TBC1D22A: variants seen among roughly 807,000 people sequenced by gnomAD.
TBC1D22A encodes TBC1 domain family member 22A, also known as putative GTPase activator.
TBC1D22A carries 38 observed loss-of-function variants against 60.2 expected under a neutral mutation model. The ratio of observed to expected loss-of-function variants is 0.63; its 90% CI spans 0.49 to 0.83. The LOEUF (loss-of-function observed/expected upper bound fraction) is 0.83. Ranked by LOEUF, TBC1D22A falls within the 40% of genes least tolerant of loss-of-function variation. TBC1D22A has a pLI of 0.00. For synonymous variants in TBC1D22A, 302 were observed against 281.7 expected (o/e 1.07, Z -0.72); for missense variants, 628 against 701.0 (o/e 0.90, Z 1.18).
At chr22:47,074,820 G>A (rs1010789068) in intron 11 of TBC1D22A, among the ~76,000 whole-genome samples, 2 of 152,202 alleles carry the variant, frequency 1.3e-5, no homozygotes, top group Admixed American at 6.5e-5. Flanking sequence ...CCGCAGCCTG[G>A]CTGCGAGGGT....
chr22:47,137,822 G>A (rs1424046061), intron 12 of TBC1D22A, among the ~76,000 whole-genome samples: 1 of 152,120 alleles, frequency 6.6e-6, no homozygotes, highest in Non-Finnish European at 1.5e-5. Flanking sequence ...AGTCGGGAGT[G>A]GAGAGTAGGG....
chr22:47,076,227 CAG>C (rs756705893), intron 11 of TBC1D22A, among the ~76,000 whole-genome samples: 2 of 151,758 alleles, frequency 1.3e-5, no homozygotes, highest in Admixed American at 6.6e-5. Context: ...CACCGGAAAA[CAG>C]AGAATAACGT....
chr22:46,771,847 G>A (rs563013413), intron 1 of TBC1D22A, among the ~76,000 whole-genome samples: 3 of 152,000 alleles, frequency 2.0e-5, no homozygotes, highest in South Asian at 2.1e-4. Flanking sequence ...CACCCGCCTC[G>A]GCCTCCCAGA....
intron 4 of TBC1D22A, among the ~76,000 whole-genome samples, chr22:46,804,201 C>T (rs2085030385): frequency 6.6e-6 from 1 of 152,216 alleles, no homozygotes; most frequent in Non-Finnish European, 1.5e-5. Flanking sequence ...CAAAGCTTGC[C>T]CCCGGCCTTG....
chr22:46,856,288 A>G (rs1267877098), intron 4 of TBC1D22A, among the ~76,000 whole-genome samples: 3 of 152,186 alleles, frequency 2.0e-5, no homozygotes, highest in Non-Finnish European at 2.9e-5. Context: ...GCTGAAGCCA[A>G]TCTTGTTATT....
chr22:47,161,239 T>A (rs1259979615), intron 12 of TBC1D22A, among the ~76,000 whole-genome samples: 1 of 152,080 alleles, frequency 6.6e-6, no homozygotes, highest in Non-Finnish European at 1.5e-5. Context: ...AAAACAGAAA[T>A]TGAAAGACGA....
At chr22:47,147,992 C>G (rs1396537734) in intron 12 of TBC1D22A, among the ~76,000 whole-genome samples, 1 of 152,182 alleles carries the variant, frequency 6.6e-6, no homozygotes, top group East Asian at 1.9e-4. Context: ...CCAGGCTCCT[C>G]CTTCCTCCTA....
At chr22:46,898,154 A>T (rs1223688772) in intron 7 of TBC1D22A, among the ~76,000 whole-genome samples, 1 of 152,112 alleles carries the variant, frequency 6.6e-6, no homozygotes, top group African/African-American at 2.4e-5. Flanking sequence ...ATTTTTTCCT[A>T]CCACTTGCTG....
intron 9 of TBC1D22A, among the ~76,000 whole-genome samples, chr22:46,987,437 C>T (rs2074769773): frequency 6.6e-6 from 1 of 152,142 alleles, no homozygotes; most frequent in African/African-American, 2.4e-5. Context: ...AGAGACTCTT[C>T]TTTCTTTGCA....
chr22:46,794,186 C>T (rs577698291), intron 3 of TBC1D22A, among the ~76,000 whole-genome samples: 76 of 152,304 alleles, frequency 5.0e-4, no homozygotes, highest in African/African-American at 1.7e-3. Context: ...CGCCTGGGGA[C>T]ACTGTCTCCC....
chr22:47,167,123 G>A (rs145321630), intron 12 of TBC1D22A, among the ~76,000 whole-genome samples: 180 of 152,278 alleles, frequency 1.2e-3, no homozygotes, highest in African/African-American at 4.2e-3. Context: ...TTCTCCCAAC[G>A]ATGACCACGT....
intron 9 of TBC1D22A, among the ~76,000 whole-genome samples, chr22:46,992,611 C>T (rs1158171415): frequency 3.3e-5 from 5 of 152,358 alleles, no homozygotes; most frequent in East Asian, 3.9e-4. Flanking sequence ...TCGCACACAT[C>T]GATACTCAGG....
At chr22:46,999,508 A>C (rs566424213) in intron 10 of TBC1D22A, among the ~76,000 whole-genome samples, 1 of 152,202 alleles carries the variant, frequency 6.6e-6, no homozygotes, top group Admixed American at 6.5e-5. Context: ...CAGTAAATAG[A>C]CAGAATTTCT....
chr22:46,884,864 G>A (rs573588464), intron 5 of TBC1D22A, among the ~76,000 whole-genome samples: 1 of 152,264 alleles, frequency 6.6e-6, no homozygotes, highest in Admixed American at 6.5e-5. Context: ...AAGCAGCGAA[G>A]TAAAAGTGGG....
chr22:47,152,980 G>T (rs954767338), intron 12 of TBC1D22A, among the ~76,000 whole-genome samples: 2 of 152,178 alleles, frequency 1.3e-5, no homozygotes, highest in East Asian at 3.9e-4. Flanking sequence ...AATCACAGCC[G>T]ATTTCATTCT....
chr22:47,094,658 G>C (rs1005262926), intron 11 of TBC1D22A, among the ~76,000 whole-genome samples: 1 of 152,124 alleles, frequency 6.6e-6, no homozygotes, highest in East Asian at 1.9e-4. Flanking sequence ...ATCAACCAAA[G>C]AATAAATATC....
At chr22:47,137,836 G>GGGGAGTGGGGAGCGGGGAGCC (rs2066930609) in intron 12 of TBC1D22A, among the ~76,000 whole-genome samples, 1 of 151,584 alleles carries the variant, frequency 6.6e-6, no homozygotes, top group Non-Finnish European at 1.5e-5. Flanking sequence ...AGTAGGGAGT[G>GGGGAGTGGGGAGCGGGGAGCC]GGGAGTGGGG....
chr22:47,159,186 ACACACCACG>A (rs2147197523), intron 12 of TBC1D22A, among the ~76,000 whole-genome samples: 1 of 151,118 alleles, frequency 6.6e-6, no homozygotes, highest in South Asian at 2.1e-4. Flanking sequence ...CACACACAAC[ACACACCACG>A]CACACACACC....
chr22:47,136,616 G>A (rs1219127247), intron 12 of TBC1D22A, among the ~76,000 whole-genome samples: 3 of 136,394 alleles, frequency 2.2e-5, no homozygotes, highest in Non-Finnish European at 4.9e-5. Context: ...TGGGCCATGT[G>A]GCACCAAGAG....
Sources: gnomAD v4.1 joint callset for allele counts (sites outside exome capture counted in the v4.1 genomes callset) on GRCh38, gnomAD v4.1.1 for gene constraint, MANE v1.5 for transcripts, NCBI Gene and HGNC (gene_info 2026-07-23, HGNC 2026-07-21) for gene names.